The following C2 variants were observed in gnomAD, a reference collection of about 807,000 sequenced individuals.
C2 encodes the protein C3/C5 convertase.
C2 carries 64 observed loss-of-function variants against 85.2 expected under a neutral mutation model. The ratio of observed to expected loss-of-function variants is 0.75; its 90% confidence interval spans 0.61 to 0.92. The LOEUF (loss-of-function observed/expected upper bound fraction) is 0.92. Ranked by LOEUF, C2 falls within the 40% of genes least tolerant of loss-of-function variation. The probability of loss-of-function intolerance (pLI) is 0.00; values close to 1 mark genes in which losing one functional copy is unlikely to be tolerated. For missense variants in C2, 820 were observed against 971.6 expected (o/e 0.84, Z 2.07); for synonymous variants, 311 against 370.8 (o/e 0.84, Z 1.85).
chr6:31,914,004 ATCCGAC>A (rs1768309585), intron 1 of C2, among the ~76,000 whole-genome samples: 1 of 150,886 alleles, frequency 6.6e-6, no homozygotes, highest in Non-Finnish European at 1.5e-5. Context: ...GCAACCTGCG[ATCCGAC>A]TCCCTGGTTC....
upstream of C2, chr6:31,898,038 CTT>C (rs1766820264): frequency 7.5e-6 from 3 of 400,330 alleles, no homozygotes; most frequent in Non-Finnish European, 1.0e-5. Flanking sequence ...GCTTTTCTGC[CTT>C]TCTAGTTTTT....
chr6:31,935,863 C>G lies in C2; in HGVS notation c.850-60C>G, dbSNP rs191751193. 2 of 1,598,672 alleles carry G rather than the reference C, an allele frequency of 1.3e-6. No individual in the cohort carries two copies. Among genetic ancestry groups the G allele is most frequent in the East Asian group, 4.5e-5 (2 of 44,806 alleles). On this transcript the variant is annotated intron_variant, in intron 6 of 17. Transcript: ENST00000299367. The surrounding 1 kb of genome is among the most constrained non-coding windows in gnomAD (Gnocchi z 4.3). ...TCCTCCAGGGCCCTTTGTTTGCTCT[C>G]TTACCATCTCCCCTTTGGCTTCAGG...
chr6:31,944,032 G>T lies in C2; in HGVS notation c.1810+39G>T, dbSNP rs368924961. 1,921 of 1,604,450 alleles carry T rather than the reference G, an allele frequency of 1.2e-3. 7 individuals carry two copies. Among genetic ancestry groups the T allele is most frequent in the Non-Finnish European group, 1.1e-3 (1,272 of 1,172,256 alleles). On this transcript the variant is annotated intron_variant, in intron 14 of 17. Transcript: ENST00000299367. This position sits in a 1 kb window ranked among gnomAD's most constrained non-coding sequence, Gnocchi z 5.1. ...CTTATGGTGCTTGAGAGCTGGGGCCGGGGTTTGGGGGTGATAACAAGGACT... is the reference window on the plus strand; with the variant it reads ...CTTATGGTGCTTGAGAGCTGGGGCCTGGGTTTGGGGGTGATAACAAGGACT...
rs764977844 is a variant in C2, at chr6:31,928,799, C to G, written c.324C>G (p.Pro108=). Reference sequence around the variant, plus strand: ...ATACCCCACGGCTGGGGTCCTATCCCGTGGGTGGCAATGTGAGCTTCGAGT... The same window carrying G: ...ATACCCCACGGCTGGGGTCCTATCCGGTGGGTGGCAATGTGAGCTTCGAGT... The part of the protein sequence containing the change: ...GIYTPRLGSY[P]VGGNVSFECE... Residue 108 remains proline, a synonymous_variant, in exon 3 of 18, where the codon CCC becomes CCG. Transcript: ENST00000299367. The G allele has an allele frequency of 6.2e-7, 1 of 1,614,210 alleles. No individual in the cohort carries two copies. The highest frequency in any genetic ancestry group is 1.7e-5 in the Admixed American group (1 of 60,030).
At chr6:31,940,424 A>G (rs987278485) in intron 9 of C2, among the ~76,000 whole-genome samples, 1 of 151,634 alleles carries the variant, frequency 6.6e-6, no homozygotes, top group Non-Finnish European at 1.5e-5. Context: ...CAGCTGGCTA[A>G]CTAAGGCTTT....
chr6:31,936,043 G>T lies in C2; in HGVS notation c.970G>T (p.Glu324Ter). The T allele has an allele frequency of 6.2e-7, 1 of 1,612,998 alleles. No individual in the cohort carries two copies. Among genetic ancestry groups the T allele is most frequent in the Middle Eastern group, 1.6e-4 (1 of 6,062 alleles). ...TATGACTGAGGTGATCAGCAGCCTG[G>T]AAAATGCCAACTATAAAGGTACGGG... ...RDMTEVISSL[E>*]NANYKDHENG... The change falls in exon 7 of 18, where the codon GAA becomes TAA. Residue 324 changes from glutamate (E) to a stop codon, truncating the protein, a stop_gained. Coordinates refer to ENST00000299367, the MANE Select transcript of C2 (RefSeq NM_000063.6). LOFTEE classifies it high-confidence loss of function.
At chr6:31,908,696 C>T (rs967076990) in intron 1 of C2, among the ~76,000 whole-genome samples, 2 of 151,448 alleles carry the variant, frequency 1.3e-5, no homozygotes, top group Non-Finnish European at 2.9e-5. Context: ...GCCATCCCAA[C>T]CTTCAGCAAC....
intron 1 of C2, among the ~76,000 whole-genome samples, chr6:31,911,255 C>T (rs772980842): frequency 8.6e-4 from 128 of 148,238 alleles, no homozygotes; most frequent in Middle Eastern, 7.2e-3. Flanking sequence ...GCCGAGATGG[C>T]GCCACTGCAC....
upstream of C2, among the ~76,000 whole-genome samples, chr6:31,925,781 T>C (rs1219703739): frequency 6.6e-6 from 1 of 152,178 alleles, no homozygotes; most frequent in Non-Finnish European, 1.5e-5. Context: ...TCCTACCATG[T>C]GATTGAAAGA....
chr6:31,921,871 C>T lies in C2; in HGVS notation c.-100+1845C>T, dbSNP rs1023427011. Among the ~76,000 whole-genome samples the T allele has an allele frequency of 1.3e-5, 2 of 151,996 alleles. No individual in the cohort carries two copies. Among genetic ancestry groups the T allele is most frequent in the African/African-American group, 4.8e-5 (2 of 41,350 alleles). On this transcript the variant is annotated intron_variant, in intron 1 of 3. Coordinates refer to the C2 transcript ENST00000413154. This position sits in a 1 kb window ranked among gnomAD's most constrained non-coding sequence, Gnocchi z 4.6. ...GCAGACAGTGCATTCTGGAGGTGAT[C>T]GCAAGAAACATGGGTAGTGGAGTGT...
Position 31,933,853 on chromosome 6 carries a change from G to A in C2, c.617-14G>A. 6.2e-7 allele frequency: 1 copy of A among 1,613,816 alleles called. No individual in the cohort carries two copies. Among genetic ancestry groups the A allele is most frequent in the Non-Finnish European group, 8.5e-7 (1 of 1,179,852 alleles). On this transcript the variant is annotated splice_polypyrimidine_tract_variant and intron_variant, in intron 4 of 17. Coordinates refer to ENST00000299367, the MANE Select transcript of C2 (RefSeq NM_000063.6). ...CCACTGCCCCGGCTGACTCCTGTGT[G>A]GCTCTCCCCACAGAACCCTACTCTT...
At chr6:31,909,601 C>G (rs1245850578) in intron 1 of C2, among the ~76,000 whole-genome samples, 1 of 151,558 alleles carries the variant, frequency 6.6e-6, no homozygotes, top group Non-Finnish European at 1.5e-5. Context: ...CCCCGCCCAC[C>G]TCTTTTTTTT....
chr6:31,913,647 G>A (rs1488238156), intron 1 of C2, among the ~76,000 whole-genome samples: 7 of 151,980 alleles, frequency 4.6e-5, no homozygotes, highest in Non-Finnish European at 1.0e-4. Context: ...AAGTAAAGGA[G>A]TTTACTCTTT....
At position 31,936,013 on chromosome 6, in the gene C2, C is replaced by G. The variant is rs1206018325; in HGVS notation, c.940C>G (p.Arg314Gly). The change falls in exon 7 of 18, where the codon CGG (arginine) becomes GGG (glycine). Residue 314 changes from arginine to glycine, a missense_variant. Physicochemically the swap from Arg to Gly is moderately radical, Grantham distance 125. Transcript: ENST00000299367. ...CATGTCTGTCCTGAACGACAACTCC[C>G]GGGATATGACTGAGGTGATCAGCAG... is the stretch of plus-strand genomic sequence containing the variant. ...VLMSVLNDNS[R>G]DMTEVISSLE... 3 of 1,613,026 alleles carry G rather than the reference C, an allele frequency of 1.9e-6. No homozygotes were observed. The highest frequency in any genetic ancestry group is 1.3e-5 in the African/African-American group (1 of 75,026).
chr6:31,942,866 G>C (rs1227614105), intron 9 of C2, 93 bp from the exon 10 acceptor site: 2 of 1,537,450 alleles, frequency 1.3e-6, no homozygotes, highest in Admixed American at 3.4e-5. Context: ...TGTAGGTCTT[G>C]ATTGGACACA....
At chr6:31,923,283 G>T (rs968841567), upstream of C2, among the ~76,000 whole-genome samples, 1 of 152,150 alleles carries the variant, frequency 6.6e-6, no homozygotes, top group Non-Finnish European at 1.5e-5. Flanking sequence ...TTTGCCAATG[G>T]AATATGAATG....
In C2 at chr6:31,939,679, C is replaced by T. The variant is rs575443147; in HGVS notation, c.1219+359C>T. On this transcript the variant is annotated intron_variant, in intron 9 of 17. Coordinates refer to ENST00000299367, the MANE Select transcript of C2 (RefSeq NM_000063.6). ...CATAGCTTACTGCAGCCTCAAATTC[C>T]TGGTTTCAAGTGATCCCCTCAACTC... Among the ~76,000 whole-genome samples the T allele has an allele frequency of 4.6e-5, 7 of 152,172 alleles. No homozygotes were observed. In the East Asian group the frequency reaches 1.2e-3, roughly 25 times the overall value.
upstream of C2, chr6:31,899,938 G>A: frequency 6.3e-7 from 1 of 1,584,736 alleles, no homozygotes. Context: ...AGCGGATGAG[G>A]ACGTTAATCT....
In C2 at chr6:31,934,689, A is replaced by C. The variant is rs553902320; in HGVS notation, c.849+390A>C. The C allele has an allele frequency of 4.2e-5, 52 of 1,241,062 alleles. No homozygotes were observed. The South Asian group carries it at 1.3e-3, about 30-fold the overall frequency. The allele number at this position is 1,241,062 out of a possible 1,614,324, so 76.9% of individuals were successfully genotyped here. A position where few individuals can be genotyped will look rare whatever the true frequency, so the allele number is the denominator to read the frequency against. ...TAATATTTAATAATTTCCTTTTAAA[A>C]CTTCAACATTTTGTGCAGGCTTTAA... On this transcript the variant is annotated intron_variant, in intron 6 of 17. Coordinates refer to ENST00000299367, the MANE Select transcript of C2 (RefSeq NM_000063.6).
Sources: allele counts gnomAD v4.1 joint callset (sites outside exome capture counted in the v4.1 genomes callset), GRCh38; gene constraint gnomAD v4.1.1; non-coding constraint Gnocchi (gnomAD v3.1); transcripts MANE v1.5; gene names NCBI Gene and HGNC (gene_info 2026-07-23, HGNC 2026-07-21).